The following SIL1 variants were observed in gnomAD, a reference collection of about 807,000 sequenced individuals.
The protein encoded by SIL1 is SIL1 nucleotide exchange factor, also known as nucleotide exchange factor SIL1.
A neutral mutation model predicts 49.1 loss-of-function variants in SIL1; 40 were observed. The ratio of observed to expected loss-of-function variants is 0.81; its 90% CI spans 0.63 to 1.06. The LOEUF (loss-of-function observed/expected upper bound fraction) is 1.06. Among genes scored for constraint, SIL1 ranks in the 50% least tolerant of loss-of-function variants. The pLI, the probability that SIL1 is intolerant of heterozygous loss-of-function variation, is 0.00. For synonymous variants in SIL1, 253 were observed against 250.8 expected (o/e 1.01, Z -0.08); for missense variants, 500 against 572.6 (o/e 0.87, Z 1.29).
intron 4 of SIL1, among the ~76,000 whole-genome samples, chr5:139,045,555 G>C (rs1769140202): frequency 6.6e-6 from 1 of 152,040 alleles, no homozygotes; most frequent in Non-Finnish European, 1.5e-5. Context: ...CTATCTGCCA[G>C]TAATCTCCAC....
chr5:139,182,374 C>T (rs1752006247), intron 1 of SIL1, among the ~76,000 whole-genome samples: 1 of 152,222 alleles, frequency 6.6e-6, no homozygotes, highest in African/African-American at 2.4e-5. Context: ...TGGACCACAT[C>T]TGTCTCATTC....
At chr5:139,101,304 T>A (rs944227844) in intron 3 of SIL1, among the ~76,000 whole-genome samples, 1 of 152,176 alleles carries the variant, frequency 6.6e-6, no homozygotes, top group Non-Finnish European at 1.5e-5. Context: ...GAAAACCCTT[T>A]ATACTCCACC....
chr5:139,075,557 C>T (rs1255320292), intron 3 of SIL1, among the ~76,000 whole-genome samples: 5 of 152,112 alleles, frequency 3.3e-5, no homozygotes, highest in African/African-American at 7.2e-5. Flanking sequence ...CAGTCGCTGC[C>T]GCCTCCCTGA....
In SIL1 at chr5:138,948,634, G is replaced by A. The variant is rs532674146; in HGVS notation, c.1030-1161C>T. Among the ~76,000 whole-genome samples the A allele has an allele frequency of 0.038, 5 of 130 alleles. No homozygotes were observed. Among genetic ancestry groups the A allele is most frequent in the East Asian group, 0.33 (2 of 6 alleles). The allele number at this position is 130 out of a possible 152,430, so 0.1% of individuals were successfully genotyped here. ...AGCTCCGACTTCCAGGTGCACCCCC[G>A]CATTGGCCCCATTCACTCCACGGCT... On this transcript the variant is annotated intron_variant, in intron 9 of 9. Coordinates refer to ENST00000394817, the MANE Select transcript of SIL1 (RefSeq NM_022464.5). The surrounding 1 kb of genome is among the most constrained non-coding windows in gnomAD (Gnocchi z 4.8).
At chr5:139,091,153 A>G (rs1221864414) in intron 3 of SIL1, among the ~76,000 whole-genome samples, 1 of 152,214 alleles carries the variant, frequency 6.6e-6, no homozygotes, top group African/African-American at 2.4e-5. Flanking sequence ...TTGAAAGTAA[A>G]TAACTTTCCT....
At chr5:139,028,069 C>G (rs1330140748) in intron 5 of SIL1, among the ~76,000 whole-genome samples, 1 of 151,998 alleles carries the variant, frequency 6.6e-6, no homozygotes, top group Non-Finnish European at 1.5e-5. Flanking sequence ...GCTGCCAAAG[C>G]CAAGCAAAGA....
chr5:139,143,373 T>A (rs1751131557), intron 1 of SIL1, among the ~76,000 whole-genome samples: 1 of 139,570 alleles, frequency 7.2e-6, no homozygotes, highest in Admixed American at 7.0e-5. Context: ...ATATGGTTTT[T>A]TGTTTTGTTT....
chr5:138,973,559 T>C (rs1041130748), intron 7 of SIL1, among the ~76,000 whole-genome samples: 1 of 152,082 alleles, frequency 6.6e-6, no homozygotes, highest in Non-Finnish European at 1.5e-5. Context: ...GCTCCCAGGC[T>C]CAACTGATCC....
At chr5:139,120,692 C>T (rs78568246) in intron 3 of SIL1, among the ~76,000 whole-genome samples, 26 of 152,258 alleles carry the variant, frequency 1.7e-4, no homozygotes, top group East Asian at 7.7e-4. Flanking sequence ...AGCACTGAGC[C>T]GAGCAGCAGA....
chr5:139,103,808 T>A (rs1770644095), intron 3 of SIL1, among the ~76,000 whole-genome samples: 1 of 152,192 alleles, frequency 6.6e-6, no homozygotes, highest in Non-Finnish European at 1.5e-5. Context: ...AGGAGGCACT[T>A]ATGGACCATG....
intron 3 of SIL1, among the ~76,000 whole-genome samples, chr5:139,092,426 G>T (rs1432074112): frequency 6.6e-6 from 1 of 152,160 alleles, no homozygotes; most frequent in Non-Finnish European, 1.5e-5. Context: ...ATCGTTTTAA[G>T]AAAGTACATT....
chr5:139,028,709 G>A (rs143265555), intron 5 of SIL1, among the ~76,000 whole-genome samples: 19 of 152,142 alleles, frequency 1.2e-4, no homozygotes, highest in Non-Finnish European at 1.9e-4. Context: ...GTACCATACT[G>A]TTAACTAGAC....
At chr5:138,982,608 C>T (rs1286725734) in intron 7 of SIL1, among the ~76,000 whole-genome samples, 1 of 152,236 alleles carries the variant, frequency 6.6e-6, no homozygotes, top group African/African-American at 2.4e-5. Flanking sequence ...ATATTCCCCA[C>T]TTCAAGTAAA....
intron 1 of SIL1, among the ~76,000 whole-genome samples, chr5:139,149,025 C>A (rs1561880904): frequency 6.6e-6 from 1 of 152,064 alleles, no homozygotes; most frequent in Non-Finnish European, 1.5e-5. Context: ...AGACTCTCAC[C>A]CTGAAATGCA....
chr5:139,175,338 A>C (rs955262718), intron 1 of SIL1, among the ~76,000 whole-genome samples: 19 of 152,120 alleles, frequency 1.2e-4, no homozygotes, highest in Admixed American at 6.5e-5. Flanking sequence ...AACAAACAAA[A>C]AAAAAGAGTG....
intron 3 of SIL1, among the ~76,000 whole-genome samples, chr5:139,113,308 AAAAT>A (rs1329578355): frequency 7.1e-6 from 1 of 140,542 alleles, no homozygotes; most frequent in East Asian, 2.0e-4. Flanking sequence ...AATAAAATAA[AAAAT>A]AAATAAATAA....
intron 3 of SIL1, among the ~76,000 whole-genome samples, chr5:139,090,038 T>C (rs1465517901): frequency 2.0e-5 from 3 of 152,068 alleles, no homozygotes; most frequent in African/African-American, 7.2e-5. Context: ...TCTCATCTCC[T>C]TTCATTTTTC....
intron 7 of SIL1, among the ~76,000 whole-genome samples, chr5:139,000,168 T>C (rs533662398): frequency 5.3e-4 from 80 of 152,346 alleles, no homozygotes; most frequent in African/African-American, 1.8e-3. Context: ...AGGGTGTTTA[T>C]CATAAAGGGA....
At chr5:139,099,822 TG>T (rs1770547930) in intron 3 of SIL1, among the ~76,000 whole-genome samples, 1 of 152,094 alleles carries the variant, frequency 6.6e-6, no homozygotes, top group South Asian at 2.1e-4. Flanking sequence ...GGATGGTTAA[TG>T]GATATTAAAA....
Sources: gnomAD v4.1 joint callset for allele counts (sites outside exome capture counted in the v4.1 genomes callset) on GRCh38, gnomAD v4.1.1 for gene constraint, Gnocchi (gnomAD v3.1) non-coding constraint, MANE v1.5 for transcripts, NCBI Gene and HGNC (gene_info 2026-07-23, HGNC 2026-07-21) for gene names.